TRPM3: variants seen among roughly 807,000 people sequenced by gnomAD.
TRPM3 encodes the protein transient receptor potential cation channel subfamily M member 3.
Under a neutral mutation model 181.2 loss-of-function variants are expected in TRPM3, and 77 were observed. The ratio of observed to expected loss-of-function variants is 0.42; its 90% CI spans 0.35 to 0.51. TRPM3 has a LOEUF of 0.51. Among genes scored for constraint, TRPM3 ranks in the 20% least tolerant of loss-of-function variants. The pLI is 0.01. For synonymous variants in TRPM3, 745 were observed against 796.4 expected (o/e 0.94, Z 1.09); for missense variants, 1,759 against 2,196.7 (o/e 0.80, Z 3.98).
intron 1 of TRPM3, among the ~76,000 whole-genome samples, chr9:71,232,734 C>T (rs1188917218): frequency 7.2e-5 from 11 of 152,096 alleles, no homozygotes; most frequent in Middle Eastern, 3.4e-3. Flanking sequence ...CTCCAGACCT[C>T]GTGATCTGCC....
intron 7 of TRPM3, among the ~76,000 whole-genome samples, chr9:70,770,917 A>G (rs1564204369): frequency 6.6e-6 from 1 of 152,118 alleles, no homozygotes; most frequent in Non-Finnish European, 1.5e-5. Flanking sequence ...GTCCATCCCT[A>G]TGGGGGAGAT....
Position 70,738,818 on chromosome 9 carries a change from T to C in TRPM3, c.1272+22783A>G, listed in dbSNP as rs528286946. On this transcript the variant is annotated intron_variant, in intron 8 of 25. Coordinates refer to ENST00000677713, the MANE Select transcript of TRPM3 (RefSeq NM_001366145.2). ...GATATTACGACTGATATCACAGAAA[T>C]ACAAAAGATCATTCAAGGCTACATG... 1.3e-3 allele frequency among the ~76,000 whole-genome samples: 195 copies of C among 152,192 alleles called. 1 individual carries two copies. The highest frequency in any genetic ancestry group is 4.6e-3 in the African/African-American group (191 of 41,564).
At chr9:71,296,277 A>T (rs1441582112) in intron 1 of TRPM3, among the ~76,000 whole-genome samples, 2 of 152,174 alleles carry the variant, frequency 1.3e-5, no homozygotes, top group Non-Finnish European at 2.9e-5. Flanking sequence ...TGATATTAAC[A>T]AGGTCCCTAC....
intron 1 of TRPM3, among the ~76,000 whole-genome samples, chr9:71,188,579 G>A (rs2077824526): frequency 6.6e-6 from 1 of 151,766 alleles, no homozygotes; most frequent in Non-Finnish European, 1.5e-5. Flanking sequence ...TGAGTTTGAA[G>A]AACCTTGGGA....
At chr9:71,395,380 A>G (rs2093166130) in intron 1 of TRPM3, among the ~76,000 whole-genome samples, 1 of 152,206 alleles carries the variant, frequency 6.6e-6, no homozygotes, top group Non-Finnish European at 1.5e-5. Flanking sequence ...GATAAATGCT[A>G]TCATGTAGGA....
chr9:70,538,704 A>C (rs1380213094), intron 25 of TRPM3, among the ~76,000 whole-genome samples: 1 of 152,194 alleles, frequency 6.6e-6, no homozygotes, highest in Non-Finnish European at 1.5e-5. Context: ...CTGGGATCAC[A>C]GGTGTGAACC....
chr9:70,811,299 T>C, intron 6 of TRPM3: 1 of 1,446,248 alleles, frequency 6.9e-7, no homozygotes, highest in Non-Finnish European at 9.5e-7. Flanking sequence ...CATACACATT[T>C]TATTAAAGCA....
chr9:70,917,348 C>G, intron 1 of TRPM3: 1 of 1,118,722 alleles, frequency 8.9e-7, no homozygotes, highest in East Asian at 2.4e-5. Flanking sequence ...TGGAGATACT[C>G]CCAAGTCCAA....
At chr9:70,993,672 G>T (rs982143727) in intron 1 of TRPM3, among the ~76,000 whole-genome samples, 1 of 151,752 alleles carries the variant, frequency 6.6e-6, no homozygotes, top group Admixed American at 6.6e-5. Flanking sequence ...CACCAAGGGG[G>T]TGCGTGAGAT....
chr9:71,231,576 A>G (rs2081053895), intron 1 of TRPM3, among the ~76,000 whole-genome samples: 1 of 152,206 alleles, frequency 6.6e-6, no homozygotes, highest in African/African-American at 2.4e-5. Flanking sequence ...TTGTTACAGC[A>G]GCAATATGAA....
intron 9 of TRPM3, among the ~76,000 whole-genome samples, chr9:70,661,519 T>C (rs989366845): frequency 1.3e-4 from 20 of 152,106 alleles, no homozygotes; most frequent in African/African-American, 4.8e-4. Flanking sequence ...ACAGATTATA[T>C]GATTGTATAG....
rs766607935 is a variant in TRPM3, at chr9:70,537,114, C to G, written c.3999G>C (p.Glu1333Asp). 6.2e-7 allele frequency: 1 copy of G among 1,608,590 alleles called. No homozygotes were observed. Among genetic ancestry groups the G allele is most frequent in the Non-Finnish European group, 8.5e-7 (1 of 1,175,360 alleles). Residue 1333 changes from glutamate to aspartate, a missense_variant, in exon 26 of 26, where the codon GAG becomes GAC. By Grantham distance (45) the Glu-to-Asp change is conservative (BLOSUM62 2). Transcript: ENST00000677713. The stretch of plus-strand genomic sequence containing the variant: ...AGGTTGGAGAAGTTGGGGACATGGT[C>G]TCCTCACCTGCAGGGTCTATACTCT... ...LQESIDPAGE[E>D]TMSPTSPTLM...
At chr9:71,220,306 C>T (rs2080155778) in intron 1 of TRPM3, among the ~76,000 whole-genome samples, 1 of 151,768 alleles carries the variant, frequency 6.6e-6, no homozygotes, top group African/African-American at 2.4e-5. Context: ...CTTTTCTGGT[C>T]ACTGAATTTA....
chr9:71,152,834 A>T (rs1203400468), intron 1 of TRPM3, among the ~76,000 whole-genome samples: 1 of 152,156 alleles, frequency 6.6e-6, no homozygotes, highest in Non-Finnish European at 1.5e-5. Flanking sequence ...CATTCATTTG[A>T]ACTCTTTAAA....
intron 1 of TRPM3, among the ~76,000 whole-genome samples, chr9:71,385,604 T>C (rs1588774599): frequency 6.6e-6 from 1 of 152,212 alleles, no homozygotes; most frequent in Non-Finnish European, 1.5e-5. Context: ...TCAAATTAAA[T>C]GACTAGTCCT....
intron 8 of TRPM3, among the ~76,000 whole-genome samples, chr9:70,694,492 T>C (rs528317092): frequency 3.3e-5 from 5 of 152,288 alleles, no homozygotes; most frequent in Non-Finnish European, 4.4e-5. Flanking sequence ...TGAAAATCTT[T>C]TTTTTTGAGA....
chr9:70,846,282 G>T, intron 4 of TRPM3, 96 bp downstream of exon 4: 1 of 1,149,454 alleles, frequency 8.7e-7, no homozygotes, highest in Non-Finnish European at 1.3e-6. Flanking sequence ...GGGATGAAGT[G>T]GGGTGATATA....
intron 1 of TRPM3, among the ~76,000 whole-genome samples, chr9:71,378,615 G>A (rs1336488946): frequency 6.6e-6 from 1 of 151,960 alleles, no homozygotes; most frequent in African/African-American, 2.4e-5. Flanking sequence ...ATTCTTTCTT[G>A]CATTTCACTC....
chr9:71,005,917 T>C (rs914365586), intron 1 of TRPM3, among the ~76,000 whole-genome samples: 3 of 152,182 alleles, frequency 2.0e-5, no homozygotes, highest in Non-Finnish European at 4.4e-5. Context: ...CACTTAAATT[T>C]TAAGTATGAA....
Sources: allele counts gnomAD v4.1 joint callset (sites outside exome capture counted in the v4.1 genomes callset), GRCh38; gene constraint gnomAD v4.1.1; transcripts MANE v1.5; gene names NCBI Gene and HGNC (gene_info 2026-07-23, HGNC 2026-07-21).